Variants in STK33 observed in about 807,000 individuals in gnomAD.
STK33 encodes the protein serine/threonine-protein kinase 33.
Under a neutral mutation model 58.0 loss-of-function variants are expected in STK33, and 52 were observed. The observed-to-expected ratio is 0.90, with a 90% CI of 0.72 to 1.13. STK33 has a LOEUF of 1.13. STK33 is among the 50% of genes most tolerant of loss of function. The probability of loss-of-function intolerance (pLI) is 0.00; values close to 1 mark genes in which losing one functional copy is unlikely to be tolerated. For missense variants in STK33, 630 were observed against 604.2 expected, an observed-to-expected ratio of 1.04 and a Z score of -0.45; for synonymous variants, 215 against 200.1, an observed-to-expected ratio of 1.07 and a Z score of -0.63.
intron 1 of STK33, among the ~76,000 whole-genome samples, chr11:8,590,417 CTT>C (rs1457894521): frequency 1.2e-5 from 1 of 82,548 alleles, no homozygotes; most frequent in African/African-American, 4.0e-5. Flanking sequence ...TACTAAATAA[CTT>C]TATCAAAAAT....
At chr11:8,412,171 T>C (rs913682158) in intron 15 of STK33, among the ~76,000 whole-genome samples, 2 of 152,226 alleles carry the variant, frequency 1.3e-5, no homozygotes, top group African/African-American at 2.4e-5. Context: ...TATATGTGTA[T>C]GTGTGTGCAT....
intron 1 of STK33, among the ~76,000 whole-genome samples, chr11:8,562,221 C>A (rs975998475): frequency 1.3e-5 from 2 of 152,144 alleles, no homozygotes; most frequent in African/African-American, 4.8e-5. Flanking sequence ...ATTAGTTATT[C>A]ATTTATGTTC....
chr11:8,515,836 C>T (rs542962792), intron 1 of STK33, among the ~76,000 whole-genome samples: 204 of 152,178 alleles, frequency 1.3e-3, no homozygotes, highest in African/African-American at 4.7e-3. Flanking sequence ...TAGAAGAAAA[C>T]AATCCCAACG....
Position 8,413,488 on chromosome 11 carries a change from T to C in STK33, c.1344+7A>G, listed in dbSNP as rs1940629977. 6.2e-7 allele frequency: 1 copy of C among 1,613,752 alleles called. No homozygotes were observed. On this transcript the variant is annotated splice_region_variant and intron_variant, in intron 15 of 15. Transcript: ENST00000687296. The stretch of plus-strand genomic sequence containing the variant: ...CTTGGGAGAAATGCAGCAATGATTC[T>C]TCCTACCTGTTTTTCCTCCTCTTCA...
At chr11:8,559,263 C>G (rs917639165) in intron 1 of STK33, among the ~76,000 whole-genome samples, 1 of 152,196 alleles carries the variant, frequency 6.6e-6, no homozygotes, top group African/African-American at 2.4e-5. Flanking sequence ...ACACCTTCAG[C>G]AGCCATATTA....
chr11:8,426,924 C>T (rs1942841712), intron 14 of STK33, among the ~76,000 whole-genome samples: 1 of 152,176 alleles, frequency 6.6e-6, no homozygotes, highest in Admixed American at 6.5e-5. Flanking sequence ...ATGTGCTGCT[C>T]CCATGCCCTT....
At chr11:8,372,428 A>G in the STK33 span, among the ~76,000 whole-genome samples, 1 of 152,186 alleles carries the variant, frequency 6.6e-6, no homozygotes, top group Non-Finnish European at 1.5e-5. Context: ...GAAACTGCTC[A>G]TACTTGAAAG....
chr11:8,431,575 G>A (rs528080574), intron 14 of STK33, among the ~76,000 whole-genome samples: 9 of 152,244 alleles, frequency 5.9e-5, no homozygotes, highest in Admixed American at 1.3e-4. Flanking sequence ...GAGAGGAACC[G>A]TTTTATTCAT....
intron 15 of STK33, among the ~76,000 whole-genome samples, chr11:8,405,083 C>G (rs183580735): frequency 8.7e-4 from 133 of 152,260 alleles, no homozygotes; most frequent in African/African-American, 3.1e-3. Flanking sequence ...TTGCAGTGAG[C>G]TGAGATTGCG....
intron 1 of STK33, among the ~76,000 whole-genome samples, chr11:8,520,703 GACAA>G (rs201078393): frequency 0.053 from 8,064 of 152,112 alleles, 278 homozygotes; most frequent in Non-Finnish European, 0.07. Context: ...ACCAATAACA[GACAA>G]ACAGACAGCC....
chr11:8,407,743 T>C (rs1939503499), intron 15 of STK33, among the ~76,000 whole-genome samples: 1 of 152,040 alleles, frequency 6.6e-6, no homozygotes, highest in African/African-American at 2.4e-5. Flanking sequence ...CACTGTCTAA[T>C]ATATGAGTAA....
chr11:8,555,126 G>T (rs1956644138), intron 1 of STK33: 1 of 151,160 alleles, frequency 6.6e-6, no homozygotes, highest in African/African-American at 2.4e-5. Context: ...GGGCAGCCTT[G>T]TTTACCTCCC....
intron 15 of STK33, among the ~76,000 whole-genome samples, chr11:8,409,936 G>A (rs1463040020): frequency 6.6e-6 from 1 of 151,994 alleles, no homozygotes; most frequent in Admixed American, 6.6e-5. Flanking sequence ...CTTGTAAGTG[G>A]TGAAGCCAGA....
chr11:8,514,433 C>T (rs1952597262), intron 1 of STK33, among the ~76,000 whole-genome samples: 1 of 152,142 alleles, frequency 6.6e-6, no homozygotes, highest in South Asian at 2.1e-4. Flanking sequence ...TAAACTAAAA[C>T]TAATTTATAG....
At chr11:8,451,675 G>C (rs1317500845) in intron 11 of STK33, among the ~76,000 whole-genome samples, 1 of 152,156 alleles carries the variant, frequency 6.6e-6, no homozygotes, top group African/African-American at 2.4e-5. Context: ...CTGGATTGTG[G>C]TGATGGTTGC....
At chr11:8,552,975 A>T (rs12282087) in intron 1 of STK33, among the ~76,000 whole-genome samples, 12,226 of 150,222 alleles carry the variant, frequency 0.081, 1,130 homozygotes, top group African/African-American at 0.23. Context: ...ATACAGTGAG[A>T]CCTTGTCTCC....
chr11:8,537,943 T>C (rs1466813311), intron 1 of STK33, among the ~76,000 whole-genome samples: 2 of 151,064 alleles, frequency 1.3e-5, no homozygotes, highest in African/African-American at 2.4e-5. Flanking sequence ...TCCTAGCACT[T>C]TGGGAGGCCG....
At chr11:8,557,268 AGGGGAGGG>A (rs1311556403) in intron 1 of STK33, among the ~76,000 whole-genome samples, 7 of 1,558 alleles carry the variant, frequency 4.5e-3, no homozygotes, top group East Asian at 0.042. Flanking sequence ...AGGGGAGGGG[AGGGGAGGG>A]GAGGGGAGGG....
the STK33 span, among the ~76,000 whole-genome samples, chr11:8,354,503 CACACACACACACA>C: frequency 0.022 from 3,350 of 151,152 alleles, 55 homozygotes; most frequent in South Asian, 0.044. Flanking sequence ...CACACACACA[CACACACACACACA>C]CCCCTCAGAC....
Sources: gnomAD v4.1 joint callset for allele counts (sites outside exome capture counted in the v4.1 genomes callset) on GRCh38, gnomAD v4.1.1 for gene constraint, MANE v1.5 for transcripts, NCBI Gene and HGNC (gene_info 2026-07-23, HGNC 2026-07-21) for gene names.